The following DENND1B variants were observed in gnomAD, a reference collection of about 807,000 sequenced individuals.
The protein encoded by DENND1B is DENN domain-containing protein 1B.
Under a neutral mutation model 90.1 loss-of-function variants are expected in DENND1B, and 59 were observed. That is an observed-to-expected ratio of 0.65 (90% CI 0.53 to 0.81). DENND1B has a LOEUF of 0.81. Ranked by LOEUF, DENND1B falls within the 40% of genes least tolerant of loss-of-function variation. The pLI, the probability that DENND1B is intolerant of heterozygous loss-of-function variation, is 0.00. For missense variants in DENND1B, 862 were observed against 912.6 expected, an observed-to-expected ratio of 0.94 and a Z score of 0.71; for synonymous variants, 337 against 324.6, an observed-to-expected ratio of 1.04 and a Z score of -0.41.
chr1:197,772,746 A>ACCT, intron 2 of DENND1B, 122 bp downstream of exon 2: 2 of 719,720 alleles, frequency 2.8e-6, no homozygotes. Flanking sequence ...GATCACCTGA[A>ACCT]CCCGGGAAGG....
chr1:197,659,239 T>C (rs891633165), intron 5 of DENND1B, among the ~76,000 whole-genome samples: 77 of 151,738 alleles, frequency 5.1e-4, no homozygotes, highest in African/African-American at 1.6e-3. Context: ...TAATAGTACA[T>C]ACACATAACA....
chr1:197,548,654 T>C (rs1425274772), intron 16 of DENND1B, among the ~76,000 whole-genome samples: 1 of 152,136 alleles, frequency 6.6e-6, no homozygotes, highest in Non-Finnish European at 1.5e-5. Context: ...CCCCGGTTCA[T>C]TATTCCTTCA....
intron 2 of DENND1B, among the ~76,000 whole-genome samples, chr1:197,737,549 T>C (rs1662814215): frequency 6.6e-6 from 1 of 152,192 alleles, no homozygotes; most frequent in South Asian, 2.1e-4. Flanking sequence ...AGGAGATTTT[T>C]TGCACTCTAT....
intron 2 of DENND1B, among the ~76,000 whole-genome samples, chr1:197,733,185 C>T (rs1249877770): frequency 2.6e-5 from 4 of 152,120 alleles, no homozygotes; most frequent in Admixed American, 1.3e-4. Context: ...AAATACTAGA[C>T]ATCTACTGTT....
intron 20 of DENND1B, among the ~76,000 whole-genome samples, chr1:197,519,006 A>AAG (rs1396526164): frequency 2.0e-5 from 3 of 151,972 alleles, no homozygotes; most frequent in African/African-American, 7.2e-5. Flanking sequence ...AAAGATAGAA[A>AAG]TTAACTTGTG....
intron 2 of DENND1B, among the ~76,000 whole-genome samples, chr1:197,760,252 A>C (rs1387123285): frequency 6.6e-6 from 1 of 152,196 alleles, no homozygotes; most frequent in African/African-American, 2.4e-5. Context: ...GCAAGGTTTC[A>C]GGTAGAAAAT....
intron 16 of DENND1B, among the ~76,000 whole-genome samples, chr1:197,549,193 A>G (rs1390554296): frequency 6.6e-6 from 1 of 152,140 alleles, no homozygotes; most frequent in Non-Finnish European, 1.5e-5. Context: ...AGGACAAAAT[A>G]TCTATTTCTC....
In DENND1B at chr1:197,735,595, C is replaced by A. The variant is rs756264795; in HGVS notation, c.83-20521G>T. The A allele has an allele frequency of 5.0e-6, 8 of 1,614,000 alleles. No individual in the cohort carries two copies. In the East Asian group the frequency reaches 1.8e-4, roughly 36 times the overall value. On this transcript the variant is annotated intron_variant, in intron 2 of 22. Transcript: ENST00000620048. ...TTCTAAAGGGTATTACTCGAAAATA[C>A]AGGTTGGGGCCATCTTTTCTCCTCC...
intron 2 of DENND1B, among the ~76,000 whole-genome samples, chr1:197,771,054 G>C (rs953169000): frequency 4.6e-5 from 7 of 151,546 alleles, no homozygotes; most frequent in African/African-American, 1.7e-4. Flanking sequence ...TGGGATCACA[G>C]GCATAGGCCA....
intron 10 of DENND1B, among the ~76,000 whole-genome samples, chr1:197,621,845 A>G (rs759212506): frequency 6.6e-6 from 1 of 151,500 alleles, no homozygotes; most frequent in Non-Finnish European, 1.5e-5. Flanking sequence ...TTACCAAATA[A>G]AGGTTTATGG....
rs991218929 is a variant in DENND1B, at chr1:197,505,255, T to C, written c.*5205A>G. On this transcript the variant is annotated 3_prime_UTR_variant, in exon 23 of 23. Coordinates refer to ENST00000620048, the MANE Select transcript of DENND1B (RefSeq NM_001195215.2). ...CAAAATAACGTTATGGAAGTTACAC[T>C]GTCAGAAGGATGGTGACTTGACATG... The C allele has an allele frequency of 5.9e-5, 9 of 151,874 alleles. No homozygotes were observed. The highest frequency in any genetic ancestry group is 1.3e-4 in the Non-Finnish European group (9 of 67,814). 9.4% of individuals were successfully genotyped at this position (151,874 alleles called of 1,614,324 possible). A position where few individuals can be genotyped will look rare whatever the true frequency, so the allele number is the denominator to read the frequency against.
intron 10 of DENND1B, among the ~76,000 whole-genome samples, chr1:197,618,741 GATTAA>G (rs1245190895): frequency 5.3e-5 from 8 of 150,626 alleles, no homozygotes; most frequent in East Asian, 2.0e-4. Flanking sequence ...CAAGGTTACC[GATTAA>G]ATTATTTTAT....
intron 8 of DENND1B, among the ~76,000 whole-genome samples, chr1:197,646,015 A>C (rs1053652392): frequency 3.3e-5 from 5 of 151,920 alleles, no homozygotes; most frequent in African/African-American, 1.2e-4. Context: ...AAGGCAAAAA[A>C]AGAGTATATT....
In DENND1B at chr1:197,540,042, A is replaced by G. The variant is rs1409406957; in HGVS notation, c.1437T>C (p.Ser479=). Residue 479 remains serine, a synonymous_variant, in exon 20 of 23, where the codon TCT becomes TCC. Transcript: ENST00000620048. ...AAACTGGTGTATATTGTACAGAACTAGAACAGGTCCCATAATCTTCTTCAT... is the reference window on the plus strand; with the variant it reads ...AAACTGGTGTATATTGTACAGAACTGGAACAGGTCCCATAATCTTCTTCAT... ...KENEEDYGTC[S]SSVQYTPVYK... 3.1e-6 allele frequency: 5 copies of G among 1,611,298 alleles called. No individual in the cohort carries two copies. The highest frequency in any genetic ancestry group is 1.3e-5 in the African/African-American group (1 of 74,852).
chr1:197,586,704 A>G (rs1674729070), intron 14 of DENND1B, among the ~76,000 whole-genome samples: 1 of 152,206 alleles, frequency 6.6e-6, no homozygotes, highest in African/African-American at 2.4e-5. Flanking sequence ...TCTTGGTTCA[A>G]TTGATTTTCG....
chr1:197,567,929 T>G (rs1006975093), intron 15 of DENND1B, among the ~76,000 whole-genome samples: 1 of 150,294 alleles, frequency 6.7e-6, no homozygotes, highest in Non-Finnish European at 1.5e-5. Flanking sequence ...AACACAGAAG[T>G]AGAAATCCTA....
rs1680688873 is a variant in DENND1B, at chr1:197,645,891, A to G, written c.508-148T>C. The G allele has an allele frequency of 8.2e-6, 4 of 490,100 alleles. No individual in the cohort carries two copies. In the South Asian group the frequency reaches 2.0e-4, roughly 24 times the overall value. The allele number at this position is 490,100 out of a possible 1,614,324, so 30.4% of individuals were successfully genotyped here. ...GATTTGTTGAATTTGAGAGATTCTT[A>G]AATGAGTTAGCGGGTTTATATGAGA... On this transcript the variant is annotated intron_variant, in intron 8 of 22. Transcript: ENST00000620048.
chr1:197,669,134 C>T (rs893515737), intron 5 of DENND1B, among the ~76,000 whole-genome samples: 5 of 151,982 alleles, frequency 3.3e-5, no homozygotes, highest in African/African-American at 9.7e-5. Flanking sequence ...AAATATATTT[C>T]CACCAGTTTA....
intron 3 of DENND1B, among the ~76,000 whole-genome samples, chr1:197,708,174 C>CT (rs1659809401): frequency 1.0e-5 from 1 of 96,510 alleles, no homozygotes; most frequent in Non-Finnish European, 2.0e-5. Flanking sequence ...ATTGCCCAGG[C>CT]TTGCTTAGGT....
Sources: allele counts gnomAD v4.1 joint callset (sites outside exome capture counted in the v4.1 genomes callset), GRCh38; gene constraint gnomAD v4.1.1; transcripts MANE v1.5; gene names NCBI Gene and HGNC (gene_info 2026-07-23, HGNC 2026-07-21).